Variants in AGAP1 observed in about 807,000 individuals in gnomAD.
AGAP1 encodes the protein ArfGAP with GTPase domain, ankyrin repeat and PH domain 1.
In AGAP1, 29 loss-of-function variants were observed where a neutral mutation model predicts 105.3. The ratio of observed to expected loss-of-function variants is 0.28; its 90% confidence interval spans 0.21 to 0.38. The LOEUF is 0.38. AGAP1 is among the 10% of genes least tolerant of loss of function. The pLI, the probability that AGAP1 is intolerant of heterozygous loss-of-function variation, is 1.00. For synonymous variants in AGAP1, 509 were observed against 485.9 expected, an observed-to-expected ratio of 1.05 and a Z score of -0.63; for missense variants, 998 against 1,165.1, an observed-to-expected ratio of 0.86 and a Z score of 2.09.
At chr2:236,077,102 C>T (rs1413738083) in intron 16 of AGAP1, among the ~76,000 whole-genome samples, 15 of 139,290 alleles carry the variant, frequency 1.1e-4, no homozygotes, top group Non-Finnish European at 1.8e-4. Context: ...ATAGTGAGAC[C>T]CTGTCTCAAA....
In AGAP1 at chr2:235,621,171, G is replaced by A. The variant is rs1268126147; in HGVS notation, c.164-88008G>A. On this transcript the variant is annotated intron_variant, in intron 1 of 17. Transcript: ENST00000304032. This position sits in a 1 kb window ranked among gnomAD's most constrained non-coding sequence, Gnocchi z 4.1. Reference sequence around the variant, plus strand: ...GGAGGAGCTGAGACTACAGGCGCCCGCCACCACACCCGGCTATTTTTTGTA... The same window carrying A: ...GGAGGAGCTGAGACTACAGGCGCCCACCACCACACCCGGCTATTTTTTGTA... Among the ~76,000 whole-genome samples the A allele has an allele frequency of 6.6e-6, 1 of 152,082 alleles. No homozygotes were observed. The highest frequency in any genetic ancestry group is 1.5e-5 in the Non-Finnish European group (1 of 68,006).
chr2:236,012,594 T>G lies in AGAP1; in HGVS notation c.1646-23967T>G, dbSNP rs1459996809. On this transcript the variant is annotated intron_variant, in intron 13 of 17. Transcript: ENST00000304032. The surrounding 1 kb of genome is among the most constrained non-coding windows in gnomAD (Gnocchi z 4.9). ...TGTACCGGTGGGTACCTGAAGATCC[T>G]TTTCCCAGGTTTGGAGTTACCTGAG... is the stretch of plus-strand genomic sequence containing the variant. Among the ~76,000 whole-genome samples, 3 of 152,240 alleles carry G rather than the reference T, an allele frequency of 2.0e-5. No individual in the cohort carries two copies. The highest frequency in any genetic ancestry group is 2.0e-4 in the Admixed American group (3 of 15,298).
chr2:235,716,813 G>C lies in AGAP1; in HGVS notation c.223-744G>C, dbSNP rs902477088. ...CTGTGTCAACAGGGAGGCTTCCTGT[G>C]AAGAATCCCCTGGAAAGTCAGCCTT... is the stretch of plus-strand genomic sequence containing the variant. On this transcript the variant is annotated intron_variant, in intron 2 of 17. Transcript: ENST00000304032. This position sits in a 1 kb window ranked among gnomAD's most constrained non-coding sequence, Gnocchi z 4.0. Among the ~76,000 whole-genome samples, 2 of 152,088 alleles carry C rather than the reference G, an allele frequency of 1.3e-5. No individual in the cohort carries two copies. The highest frequency in any genetic ancestry group is 1.3e-4 in the Admixed American group (2 of 15,272).
intron 8 of AGAP1, among the ~76,000 whole-genome samples, chr2:235,803,007 G>GTGGTGATGGTGA (rs1957624992): frequency 7.7e-4 from 6 of 7,744 alleles, no homozygotes; most frequent in South Asian, 3.6e-3. Flanking sequence ...GGTGATGGTT[G>GTGGTGATGGTGA]TGGTTGTGAT....
rs931850574 is a variant in AGAP1, at chr2:235,938,511, T to A, written c.1483+7588T>A. On this transcript the variant is annotated intron_variant, in intron 12 of 17. Coordinates refer to ENST00000304032, the MANE Select transcript of AGAP1 (RefSeq NM_001037131.3). The stretch of plus-strand genomic sequence containing the variant: ...ATCTCCAGATTTAGAGACTACAAAA[T>A]GGGTTGAAACTAACAAATTGAAACA... 1.3e-5 allele frequency among the ~76,000 whole-genome samples: 2 copies of A among 152,250 alleles called. 1 individual carries two copies. The highest frequency in any genetic ancestry group is 6.8e-3 in the Middle Eastern group (2 of 294).
At chr2:235,708,947 T>C (rs1056014119) in intron 1 of AGAP1, among the ~76,000 whole-genome samples, 3 of 152,156 alleles carry the variant, frequency 2.0e-5, no homozygotes, top group Non-Finnish European at 2.9e-5. Context: ...TTGAAGTCAT[T>C]GGATAGAGCA....
intron 5 of AGAP1, among the ~76,000 whole-genome samples, chr2:235,748,296 C>T (rs963249872): frequency 1.3e-5 from 2 of 152,234 alleles, no homozygotes; most frequent in South Asian, 4.2e-4. Context: ...ATTGCTCGGC[C>T]GCAGGTCAGG....
chr2:235,749,445 A>G (rs1381163616), intron 5 of AGAP1, among the ~76,000 whole-genome samples: 1 of 151,888 alleles, frequency 6.6e-6, no homozygotes, highest in East Asian at 1.9e-4. Flanking sequence ...CAGCTGCTCA[A>G]ACGCCCCCGT....
intron 1 of AGAP1, among the ~76,000 whole-genome samples, chr2:235,603,593 T>G (rs893751590): frequency 6.6e-6 from 1 of 152,228 alleles, no homozygotes; most frequent in Non-Finnish European, 1.5e-5. Flanking sequence ...TTTAAGAAAC[T>G]GTAGTATACA....
chr2:235,541,600 A>G (rs1348165237), intron 1 of AGAP1, among the ~76,000 whole-genome samples: 1 of 151,444 alleles, frequency 6.6e-6, no homozygotes, highest in Non-Finnish European at 1.5e-5. Flanking sequence ...TGTGTTAGCC[A>G]GGATGGTCTC....
rs1946507397 is a variant in AGAP1 at position 235,622,220 on chromosome 2, G to A, written c.164-86959G>A. 6.6e-6 allele frequency among the ~76,000 whole-genome samples: 1 copy of A among 152,162 alleles called. No homozygotes were observed. Among genetic ancestry groups the A allele is most frequent in the Admixed American group, 6.6e-5 (1 of 15,264 alleles). ...CATGCTCTTCCCAATTTTGGGAAAG[G>A]AGCCTTCGTCTTTGCTTCCTAGGAA... On this transcript the variant is annotated intron_variant, in intron 1 of 17. Coordinates refer to ENST00000304032, the MANE Select transcript of AGAP1 (RefSeq NM_001037131.3). This position sits in a 1 kb window ranked among gnomAD's most constrained non-coding sequence, Gnocchi z 5.0.
rs186934563 is a variant in AGAP1, at chr2:235,608,102, C to T, written c.164-101077C>T. ...GGGTTGGCATCGTCTGCACGTTGACCGGGTCGTTTTTAGCTTTGCCCACTT... is the reference window on the plus strand; with the variant it reads ...GGGTTGGCATCGTCTGCACGTTGACTGGGTCGTTTTTAGCTTTGCCCACTT... On this transcript the variant is annotated intron_variant, in intron 1 of 17. Transcript: ENST00000304032. This position sits in a 1 kb window ranked among gnomAD's most constrained non-coding sequence, Gnocchi z 5.4. Among the ~76,000 whole-genome samples, 8 of 152,212 alleles carry T rather than the reference C, an allele frequency of 5.3e-5. No individual in the cohort carries two copies. The highest frequency in any genetic ancestry group is 1.3e-4 in the Admixed American group (2 of 15,278).
intron 16 of AGAP1, among the ~76,000 whole-genome samples, chr2:236,111,217 T>C (rs1167878754): frequency 6.6e-6 from 1 of 152,140 alleles, no homozygotes. Context: ...CTGCAGTGTT[T>C]CCAGTCACTG....
chr2:235,877,105 A>G lies in AGAP1; in HGVS notation c.1051-6240A>G, dbSNP rs1575672906. Among the ~76,000 whole-genome samples the G allele has an allele frequency of 6.6e-6, 1 of 152,040 alleles. No homozygotes were observed. The highest frequency in any genetic ancestry group is 2.1e-4 in the South Asian group (1 of 4,822). On this transcript the variant is annotated intron_variant, in intron 9 of 17. Coordinates refer to ENST00000304032, the MANE Select transcript of AGAP1 (RefSeq NM_001037131.3). This position sits in a 1 kb window ranked among gnomAD's most constrained non-coding sequence, Gnocchi z 4.3. ...CATGATCCACCCGCCTCGGCCTCCCAAAGTGCTGGAATTACAGGCATGAGC... is the reference window on the plus strand; with the variant it reads ...CATGATCCACCCGCCTCGGCCTCCCGAAGTGCTGGAATTACAGGCATGAGC...
At chr2:235,686,620 G>GATATATAT (rs1194270184) in intron 1 of AGAP1, among the ~76,000 whole-genome samples, 20 of 57,244 alleles carry the variant, frequency 3.5e-4, no homozygotes, top group Non-Finnish European at 5.4e-4. Context: ...TGGAGATATA[G>GATATATAT]ATATATATAT....
intron 1 of AGAP1, among the ~76,000 whole-genome samples, chr2:235,598,268 A>G (rs886843609): frequency 6.6e-6 from 1 of 152,152 alleles, no homozygotes; most frequent in African/African-American, 2.4e-5. Context: ...GCCTGCCCCC[A>G]CTGAGCTGCT....
chr2:235,790,155 T>C (rs1320381098), intron 6 of AGAP1, among the ~76,000 whole-genome samples: 1 of 152,156 alleles, frequency 6.6e-6, no homozygotes, highest in Non-Finnish European at 1.5e-5. Flanking sequence ...AATGAATTTC[T>C]CCTTGTGGGG....
intron 9 of AGAP1, among the ~76,000 whole-genome samples, chr2:235,825,356 T>C (rs927538043): frequency 6.6e-6 from 1 of 152,234 alleles, no homozygotes; most frequent in Non-Finnish European, 1.5e-5. Flanking sequence ...TGGCTTCATT[T>C]TGAGGAAAAC....
At chr2:235,544,988 A>C (rs1943575542) in intron 1 of AGAP1, among the ~76,000 whole-genome samples, 1 of 152,206 alleles carries the variant, frequency 6.6e-6, no homozygotes, top group African/African-American at 2.4e-5. Context: ...GTCACTTGAC[A>C]TACTGATAAA....
Sources: gnomAD v4.1 joint callset for allele counts (sites outside exome capture counted in the v4.1 genomes callset) on GRCh38, gnomAD v4.1.1 for gene constraint, Gnocchi (gnomAD v3.1) non-coding constraint, MANE v1.5 for transcripts, NCBI Gene and HGNC (gene_info 2026-07-23, HGNC 2026-07-21) for gene names.